Variants in AFF2 observed in about 807,000 individuals in gnomAD.
AFF2 encodes the protein AF4/FMR2 family member 2.
In AFF2, 14 loss-of-function variants were observed where a neutral mutation model predicts 76.9. The observed-to-expected ratio is 0.18, with a 90% CI of 0.12 to 0.28. The LOEUF is 0.28. Ranked by LOEUF, AFF2 falls within the 10% of genes least tolerant of loss-of-function variation. The pLI, the probability that AFF2 is intolerant of heterozygous loss-of-function variation, is 1.00. For synonymous variants in AFF2, 398 were observed against 366.7 expected (o/e 1.09, Z -0.98); for missense variants, 868 against 1,001.1 (o/e 0.87, Z 1.79).
chrX:148,939,336 T>C (rs2071807796), intron 9 of AFF2, among the ~76,000 whole-genome samples: 1 of 112,057 alleles, frequency 8.9e-6, no homozygotes, highest in African/African-American at 3.2e-5. Flanking sequence ...ACATTTTCTT[T>C]GGATATTAAA....
At chrX:148,670,953 AT>A (rs1261555378) in intron 3 of AFF2, among the ~76,000 whole-genome samples, 2 of 111,723 alleles carry the variant, frequency 1.8e-5, no homozygotes, top group Non-Finnish European at 3.8e-5. Context: ...CTTAAAGAGT[AT>A]GCAAATACTT....
chrX:148,799,788 C>A (rs930640733), intron 3 of AFF2, among the ~76,000 whole-genome samples: 8 of 111,932 alleles, frequency 7.1e-5, no homozygotes, highest in Non-Finnish European at 1.5e-4. Flanking sequence ...GACATGCTTG[C>A]TTAGCATAGC....
chrX:148,958,379 C>G lies in AFF2; in HGVS notation c.2611C>G (p.Leu871Val). 1 of 1,211,034 alleles carries G rather than the reference C, an allele frequency of 8.3e-7. No individual in the cohort carries two copies. The highest frequency in any genetic ancestry group is 1.1e-6 in the Non-Finnish European group (1 of 894,950). ...AEKIPEKKQR[L>V]EEATTICLLP... ...GAAGATCCCTGAGAAGAAGCAGCGC[C>G]TGGAGGAGGCCACAACTATCTGCTT... The change falls in exon 12 of 21, where the codon CTG becomes GTG. Residue 871 changes from leucine (L) to valine (V), a missense_variant. Physicochemically the swap from Leu to Val is conservative, Grantham distance 32. Transcript: ENST00000370460.
chrX:148,534,719 A>G (rs1557236355), intron 1 of AFF2, among the ~76,000 whole-genome samples: 1 of 112,570 alleles, frequency 8.9e-6, no homozygotes, highest in Non-Finnish European at 1.9e-5. Flanking sequence ...CAGAAAGAAA[A>G]ACCACTATTC....
chrX:148,902,741 C>T (rs2071367295), intron 8 of AFF2, among the ~76,000 whole-genome samples: 1 of 111,928 alleles, frequency 8.9e-6, no homozygotes, highest in South Asian at 3.8e-4. Flanking sequence ...CTCATTTTCA[C>T]CTCTTACCTC....
intron 3 of AFF2, among the ~76,000 whole-genome samples, chrX:148,758,582 G>A (rs1306341822): frequency 8.9e-6 from 1 of 111,795 alleles, no homozygotes; most frequent in Non-Finnish European, 1.9e-5. Context: ...TAATGAGTAT[G>A]TGGTTTTCTG....
At chrX:148,958,662 G>A (rs782319890) in intron 12 of AFF2, among the ~76,000 whole-genome samples, 1 of 111,630 alleles carries the variant, frequency 9.0e-6, no homozygotes, top group South Asian at 3.8e-4. Flanking sequence ...GCCAGAATTG[G>A]GGTGACTCCA....
chrX:148,923,306 A>G (rs1031246406), intron 9 of AFF2, among the ~76,000 whole-genome samples: 1 of 112,213 alleles, frequency 8.9e-6, no homozygotes, highest in Non-Finnish European at 1.9e-5. Flanking sequence ...TGACTAGATT[A>G]TACTTTGATA....
Position 148,966,837 on chromosome X carries a change from C to A in AFF2, c.2961C>A (p.Thr987=), listed in dbSNP as rs1557288794. 1 of 1,211,391 alleles carries A rather than the reference C, an allele frequency of 8.3e-7. No homozygotes were observed. The change falls in exon 14 of 21, where the codon ACC becomes ACA. Residue 987 remains threonine, a synonymous_variant. Coordinates refer to ENST00000370460, the MANE Select transcript of AFF2 (RefSeq NM_002025.4). ...CATCCTCTGCCACCATCACTGTCAC[C>A]AATACTGCTATTGCCACTGCTACTG... The part of the protein sequence containing the change: ...KKASSATITV[T]NTAIATATVT...
chrX:148,808,449 GC>G (rs1311818221), intron 3 of AFF2, among the ~76,000 whole-genome samples: 1 of 112,404 alleles, frequency 8.9e-6, no homozygotes, highest in African/African-American at 3.2e-5. Context: ...TACAAGGTAT[GC>G]CCAGCCAACT....
chrX:148,532,784 A>T, intron 1 of AFF2, among the ~76,000 whole-genome samples: 1 of 112,385 alleles, frequency 8.9e-6, no homozygotes, highest in African/African-American at 3.2e-5. Flanking sequence ...GCCATGGTGC[A>T]CAATGATTCT....
chrX:148,732,769 T>C (rs1416707453), intron 3 of AFF2, among the ~76,000 whole-genome samples: 1 of 110,173 alleles, frequency 9.1e-6, no homozygotes, highest in Non-Finnish European at 1.9e-5. Context: ...CACTCATTCT[T>C]TGAAAAATAT....
At chrX:148,664,484 C>A in intron 3 of AFF2, among the ~76,000 whole-genome samples, 1 of 111,325 alleles carries the variant, frequency 9.0e-6, no homozygotes, top group Non-Finnish European at 1.9e-5. Flanking sequence ...TCAGTTGTCA[C>A]CTTCTCTGTG....
At chrX:148,701,553 C>A (rs2054800420) in intron 3 of AFF2, among the ~76,000 whole-genome samples, 1 of 111,882 alleles carries the variant, frequency 8.9e-6, no homozygotes, top group African/African-American at 3.2e-5. Context: ...AACCATTATC[C>A]ATGATTTCAG....
At chrX:148,812,403 C>A (rs1170898384) in intron 4 of AFF2, among the ~76,000 whole-genome samples, 4 of 111,577 alleles carry the variant, frequency 3.6e-5, no homozygotes, top group African/African-American at 1.3e-4. Flanking sequence ...GGAGCACTAG[C>A]CCCGGAGTGG....
chrX:148,805,797 T>A (rs781840231), intron 3 of AFF2, among the ~76,000 whole-genome samples: 4 of 112,404 alleles, frequency 3.6e-5, no homozygotes, highest in African/African-American at 1.3e-4. Flanking sequence ...TTGTGAGGGT[T>A]CTCAGTAAAC....
chrX:148,978,133 A>G (rs2072349000), intron 17 of AFF2, 129 bp downstream of exon 17: 1 of 529,426 alleles, frequency 1.9e-6, no homozygotes, highest in Non-Finnish European at 3.2e-6. Flanking sequence ...AAGGATAACT[A>G]ATGGATTTCT....
At chrX:148,680,690 A>T (rs60335265) in intron 3 of AFF2, among the ~76,000 whole-genome samples, 5,114 of 111,582 alleles carry the variant, frequency 0.046, 304 homozygotes, top group African/African-American at 0.16. Context: ...TATATTCACA[A>T]TAACAGCAAA....
chrX:148,738,175 T>C (rs781933836), intron 3 of AFF2, among the ~76,000 whole-genome samples: 15 of 111,426 alleles, frequency 1.3e-4, no homozygotes, highest in Non-Finnish European at 2.5e-4. Flanking sequence ...TCTTGTGGAA[T>C]AGTGTCAAAA....
Sources: allele counts gnomAD v4.1 joint callset (sites outside exome capture counted in the v4.1 genomes callset), GRCh38; gene constraint gnomAD v4.1.1; transcripts MANE v1.5; gene names NCBI Gene and HGNC (gene_info 2026-07-23, HGNC 2026-07-21).